CSMD1: variants seen among roughly 807,000 people sequenced by gnomAD.
CSMD1 encodes CUB and Sushi multiple domains 1.
CSMD1 carries 213 observed loss-of-function variants against 417.5 expected under a neutral mutation model. That is an observed-to-expected ratio of 0.51 (90% CI 0.46 to 0.57). The LOEUF is 0.57. CSMD1 is among the 20% of genes least tolerant of loss of function. The pLI is 0.00. For missense variants in CSMD1, 6,923 were observed against 4,529.7 expected (o/e 1.53, Z -15.17); for synonymous variants, 2,862 against 1,736.8 (o/e 1.65, Z -16.11).
chr8:3,006,088 A>G (rs28830236), intron 52 of CSMD1, among the ~76,000 whole-genome samples: 9,475 of 151,038 alleles, frequency 0.063, 1,002 homozygotes, highest in African/African-American at 0.22. Flanking sequence ...AGGATACAAA[A>G]TCAATGTGCA....
At chr8:3,854,376 G>C (rs1315698532) in intron 5 of CSMD1, among the ~76,000 whole-genome samples, 1 of 151,874 alleles carries the variant, frequency 6.6e-6, no homozygotes, top group Non-Finnish European at 1.5e-5. Flanking sequence ...TAAGAACACA[G>C]ATAATGAATT....
chr8:3,391,616 C>G (rs1248705367), intron 17 of CSMD1, among the ~76,000 whole-genome samples: 1 of 152,154 alleles, frequency 6.6e-6, no homozygotes, highest in Non-Finnish European at 1.5e-5. Flanking sequence ...AACTGCAATT[C>G]TAGGTTTGCT....
chr8:4,806,911 A>G (rs1239744382), intron 1 of CSMD1, among the ~76,000 whole-genome samples: 3 of 152,246 alleles, frequency 2.0e-5, no homozygotes, highest in African/African-American at 4.8e-5. Flanking sequence ...ATGAGCAAGT[A>G]CAGATGCATG....
intron 26 of CSMD1, among the ~76,000 whole-genome samples, chr8:3,271,042 A>G (rs1457480265): frequency 6.6e-6 from 1 of 151,332 alleles, no homozygotes; most frequent in Non-Finnish European, 1.5e-5. Flanking sequence ...CTTGTCATCT[A>G]GCAATAGGTA....
At chr8:3,404,782 T>C (rs1812246352) in intron 15 of CSMD1, among the ~76,000 whole-genome samples, 1 of 135,378 alleles carries the variant, frequency 7.4e-6, no homozygotes, top group South Asian at 2.5e-4. Flanking sequence ...TGTGCCTGCA[T>C]CCTCTGTTTT....
At chr8:3,029,177 A>G (rs1192050944) in intron 51 of CSMD1, 142 bp downstream of exon 51, 5 of 566,134 alleles carry the variant, frequency 8.8e-6, no homozygotes, top group East Asian at 8.7e-5. Context: ...TCACATCGCA[A>G]TGAAAAGACA....
chr8:3,409,630 C>G (rs1812558709), intron 12 of CSMD1, 25 bp from the exon 13 acceptor site: 1 of 1,521,272 alleles, frequency 6.6e-7, no homozygotes, highest in African/African-American at 1.4e-5. Context: ...ACAAATGAAC[C>G]CTTAAAAAAA....
intron 1 of CSMD1, among the ~76,000 whole-genome samples, chr8:4,722,395 T>G (rs1034702125): frequency 1.3e-5 from 2 of 152,300 alleles, no homozygotes; most frequent in African/African-American, 2.4e-5. Flanking sequence ...CTTCTCCCAA[T>G]GCTGTGTATC....
intron 3 of CSMD1, among the ~76,000 whole-genome samples, chr8:4,075,280 A>G (rs184953393): frequency 1.9e-4 from 29 of 152,298 alleles, no homozygotes; most frequent in African/African-American, 4.1e-4. Context: ...ATAAAGATGA[A>G]TTGTTGATAT....
At chr8:4,237,236 C>A (rs1259717277) in intron 3 of CSMD1, among the ~76,000 whole-genome samples, 1 of 152,158 alleles carries the variant, frequency 6.6e-6, no homozygotes, top group Non-Finnish European at 1.5e-5. Flanking sequence ...CCGAAGTAGA[C>A]GTCCTGCCCT....
intron 10 of CSMD1, among the ~76,000 whole-genome samples, chr8:3,552,001 G>A (rs575890375): frequency 6.6e-6 from 1 of 152,266 alleles, no homozygotes; most frequent in Non-Finnish European, 1.5e-5. Context: ...GCAGAAACAG[G>A]AACTCGAGAA....
At chr8:4,147,161 T>TC (rs962217180) in intron 3 of CSMD1, among the ~76,000 whole-genome samples, 14 of 150,644 alleles carry the variant, frequency 9.3e-5, no homozygotes, top group African/African-American at 2.2e-4. Context: ...TCTTCTACTC[T>TC]CCCCCCCTGC....
chr8:4,058,063 C>G (rs1434458097), intron 3 of CSMD1, among the ~76,000 whole-genome samples: 1 of 152,058 alleles, frequency 6.6e-6, no homozygotes, highest in Non-Finnish European at 1.5e-5. Context: ...TTTTCCAATT[C>G]TGTGAAGGAA....
intron 3 of CSMD1, among the ~76,000 whole-genome samples, chr8:4,315,757 G>A (rs147591969): frequency 1.3e-5 from 2 of 152,062 alleles, no homozygotes; most frequent in Admixed American, 6.6e-5. Context: ...AAAGCAACTA[G>A]CTGGTCATTT....
At chr8:4,173,638 T>A (rs1200679848) in intron 3 of CSMD1, among the ~76,000 whole-genome samples, 1 of 152,142 alleles carries the variant, frequency 6.6e-6, no homozygotes, top group Non-Finnish European at 1.5e-5. Flanking sequence ...TCGGAAACAC[T>A]GAATGCCACT....
At chr8:4,747,626 A>T (rs910565278) in intron 1 of CSMD1, among the ~76,000 whole-genome samples, 1 of 152,180 alleles carries the variant, frequency 6.6e-6, no homozygotes, top group Non-Finnish European at 1.5e-5. Flanking sequence ...TGGAGTTAGC[A>T]TCATTATCAA....
At chr8:4,631,426 G>C (rs1255566008) in intron 2 of CSMD1, among the ~76,000 whole-genome samples, 1 of 146,982 alleles carries the variant, frequency 6.8e-6, no homozygotes, top group African/African-American at 2.5e-5. Flanking sequence ...TCAGTCCATT[G>C]ATCTGTGAAT....
intron 11 of CSMD1, among the ~76,000 whole-genome samples, chr8:3,478,059 A>G (rs1441864034): frequency 6.6e-6 from 1 of 152,198 alleles, no homozygotes; most frequent in Non-Finnish European, 1.5e-5. Context: ...CACTGGCATC[A>G]ACATGAAATT....
chr8:3,967,674 C>T (rs945708962), intron 5 of CSMD1, among the ~76,000 whole-genome samples: 3 of 152,010 alleles, frequency 2.0e-5, no homozygotes, highest in South Asian at 4.1e-4. Flanking sequence ...CTTGTCAATA[C>T]GTGCTGGGGT....
Sources: gnomAD v4.1 joint callset for allele counts (sites outside exome capture counted in the v4.1 genomes callset) on GRCh38, gnomAD v4.1.1 for gene constraint, MANE v1.5 for transcripts, NCBI Gene and HGNC (gene_info 2026-07-23, HGNC 2026-07-21) for gene names.